Variants in GRIK4 observed in about 807,000 individuals in gnomAD.
GRIK4 encodes glutamate receptor ionotropic, kainate 4.
In GRIK4, 40 loss-of-function variants were observed where a neutral mutation model predicts 104.9. The ratio of observed to expected loss-of-function variants is 0.38; its 90% CI spans 0.30 to 0.50. The LOEUF (loss-of-function observed/expected upper bound fraction) is 0.50. Among genes scored for constraint, GRIK4 ranks in the 20% least tolerant of loss-of-function variants. The pLI, the probability that GRIK4 is intolerant of heterozygous loss-of-function variation, is 0.93. For synonymous variants in GRIK4, 485 were observed against 524.9 expected (o/e 0.92, Z 1.04); for missense variants, 1,047 against 1,308.1 (o/e 0.80, Z 3.08).
intron 19 of GRIK4, among the ~76,000 whole-genome samples, chr11:120,978,007 C>T (rs370604548): frequency 1.1e-3 from 169 of 152,288 alleles, no homozygotes; most frequent in African/African-American, 3.7e-3. Context: ...CATGTTTTAC[C>T]GTTATTTCAA....
At chr11:120,831,536 G>A (rs374038937) in intron 6 of GRIK4, among the ~76,000 whole-genome samples, 17 of 152,162 alleles carry the variant, frequency 1.1e-4, no homozygotes, top group African/African-American at 3.4e-4. Context: ...TCCGGCTTTC[G>A]AGGGTGGTGG....
chr11:120,763,244 T>C (rs1951779265), intron 3 of GRIK4, among the ~76,000 whole-genome samples: 1 of 152,238 alleles, frequency 6.6e-6, no homozygotes, highest in Non-Finnish European at 1.5e-5. Context: ...GAGGTGTTTA[T>C]AGTATTCTCT....
intron 3 of GRIK4, among the ~76,000 whole-genome samples, chr11:120,797,991 T>C (rs1215222804): frequency 6.6e-6 from 1 of 152,118 alleles, no homozygotes; most frequent in Non-Finnish European, 1.5e-5. Context: ...ACAGACTGGG[T>C]GGCTTACCCA....
chr11:120,955,602 C>T (rs571579627), intron 15 of GRIK4, among the ~76,000 whole-genome samples: 8 of 152,284 alleles, frequency 5.3e-5, no homozygotes, highest in African/African-American at 1.9e-4. Context: ...ATCAGAGGGG[C>T]CATTCAGAGA....
chr11:120,536,954 G>A (rs951139124), intron 1 of GRIK4, among the ~76,000 whole-genome samples: 20 of 152,228 alleles, frequency 1.3e-4, no homozygotes, highest in Admixed American at 1.3e-3. Context: ...TGAGGCCTAG[G>A]GCGTGCTCCC....
intron 1 of GRIK4, among the ~76,000 whole-genome samples, chr11:120,594,486 ATAAT>A (rs1948775012): frequency 6.6e-6 from 1 of 152,004 alleles, no homozygotes; most frequent in African/African-American, 2.4e-5. Flanking sequence ...AAATAAATAA[ATAAT>A]AAATAAATAA....
intron 13 of GRIK4, among the ~76,000 whole-genome samples, chr11:120,912,841 T>C (rs926316869): frequency 6.6e-6 from 1 of 152,180 alleles, no homozygotes; most frequent in African/African-American, 2.4e-5. Context: ...AATATTGGAA[T>C]TGGCAGTGTC....
At chr11:120,966,578 G>A (rs1360188251) in intron 18 of GRIK4, among the ~76,000 whole-genome samples, 2 of 152,112 alleles carry the variant, frequency 1.3e-5, no homozygotes, top group African/African-American at 4.8e-5. Context: ...CACCATATTG[G>A]CCAGGCTGGT....
intron 8 of GRIK4, among the ~76,000 whole-genome samples, chr11:120,848,484 AGTG>A (rs1310308755): frequency 6.6e-6 from 1 of 152,100 alleles, no homozygotes; most frequent in East Asian, 1.9e-4. Context: ...AAGAGGAAAA[AGTG>A]GTATCAGAGA....
intron 1 of GRIK4, among the ~76,000 whole-genome samples, chr11:120,545,992 T>G (rs186399701): frequency 9.6e-4 from 146 of 152,284 alleles, no homozygotes; most frequent in Non-Finnish European, 1.7e-3. Context: ...TTCTGCTTTG[T>G]GGGTTGGTGC....
intron 3 of GRIK4, among the ~76,000 whole-genome samples, chr11:120,663,752 C>T (rs947692207): frequency 6.6e-6 from 1 of 152,178 alleles, no homozygotes; most frequent in African/African-American, 2.4e-5. Flanking sequence ...TGCTCTTCCT[C>T]CCGTTTCATC....
At chr11:120,824,553 CTTT>C (rs763907708) in intron 6 of GRIK4, among the ~76,000 whole-genome samples, 1 of 128,888 alleles carries the variant, frequency 7.8e-6, no homozygotes. Context: ...TTTTTCTTTT[CTTT>C]TTTTTTTTTT....
At chr11:120,760,919 G>C (rs771487973) in intron 3 of GRIK4, among the ~76,000 whole-genome samples, 1 of 152,026 alleles carries the variant, frequency 6.6e-6, no homozygotes, top group African/African-American at 2.4e-5. Context: ...ATGTGTGCAC[G>C]TATCTTTAGA....
chr11:120,566,620 CT>C (rs1948327131), intron 1 of GRIK4, among the ~76,000 whole-genome samples: 1 of 151,976 alleles, frequency 6.6e-6, no homozygotes. Flanking sequence ...GGTTTCATTA[CT>C]GGTGAGCAAT....
intron 1 of GRIK4, among the ~76,000 whole-genome samples, chr11:120,533,864 A>G (rs1313843745): frequency 1.3e-5 from 2 of 152,254 alleles, no homozygotes; most frequent in Non-Finnish European, 2.9e-5. Context: ...GTGACAGAGC[A>G]AGACTGTGTC....
At chr11:120,900,210 G>T (rs1210088864) in intron 12 of GRIK4, among the ~76,000 whole-genome samples, 5 of 152,162 alleles carry the variant, frequency 3.3e-5, no homozygotes, top group African/African-American at 7.2e-5. Context: ...GGCATTGTCG[G>T]GTGTTCAGGA....
chr11:120,553,643 A>G (rs983797749), intron 1 of GRIK4, among the ~76,000 whole-genome samples: 7 of 152,206 alleles, frequency 4.6e-5, no homozygotes, highest in African/African-American at 1.7e-4. Flanking sequence ...GAACTCGCAA[A>G]CTGCACTTGG....
At chr11:120,781,385 C>T (rs548442759) in intron 3 of GRIK4, among the ~76,000 whole-genome samples, 2 of 152,274 alleles carry the variant, frequency 1.3e-5, no homozygotes, top group African/African-American at 4.8e-5. Context: ...AATTCTTACT[C>T]TGTCACCCAG....
At chr11:120,548,154 G>C (rs80139453) in intron 1 of GRIK4, among the ~76,000 whole-genome samples, 1 of 152,122 alleles carries the variant, frequency 6.6e-6, no homozygotes. Context: ...TGAGGCCCAC[G>C]CTGTCTCCCT....
Sources: gnomAD v4.1 joint callset for allele counts (sites outside exome capture counted in the v4.1 genomes callset) on GRCh38, gnomAD v4.1.1 for gene constraint, MANE v1.5 for transcripts, NCBI Gene and HGNC (gene_info 2026-07-23, HGNC 2026-07-21) for gene names.